CHCHD4: variants seen among roughly 807,000 people sequenced by gnomAD.
CHCHD4 encodes the protein coiled-coil-helix-coiled-coil-helix domain containing 4.
CHCHD4 carries 7 observed loss-of-function variants against 12.4 expected under a neutral mutation model. That is an observed-to-expected ratio of 0.57 (90% CI 0.32 to 1.06). The LOEUF (loss-of-function observed/expected upper bound fraction) is 1.06, where lower values mean the gene tolerates loss of function less well. Among genes scored for constraint, CHCHD4 ranks in the 50% least tolerant of loss-of-function variants. The pLI is 0.04. For missense variants in CHCHD4, 143 were observed against 175.1 expected (o/e 0.82, Z 1.03); for synonymous variants, 56 against 58.0 (o/e 0.97, Z 0.16).
chr3:14,113,472 GACCCATTT>G (rs1275198333), intron 2 of CHCHD4, among the ~76,000 whole-genome samples: 10 of 152,270 alleles, frequency 6.6e-5, no homozygotes, highest in Admixed American at 2.6e-4. Context: ...TAAATACCGG[GACCCATTT>G]AGCCCAAAGA....
intron 1 of CHCHD4, among the ~76,000 whole-genome samples, chr3:14,122,727 G>A (rs905196578): frequency 6.6e-5 from 10 of 152,324 alleles, no homozygotes; most frequent in African/African-American, 2.4e-4. Context: ...AGCTTAGTGC[G>A]AGAAGACAGG....
intron 1 of CHCHD4, 58 bp downstream of exon 1, chr3:14,124,597 C>T (rs941648804): frequency 1.0e-5 from 15 of 1,440,344 alleles, no homozygotes; most frequent in Non-Finnish European, 1.4e-5. Flanking sequence ...GCGCCGGGGC[C>T]CGCGTGTCTC....
intron 2 of CHCHD4, among the ~76,000 whole-genome samples, chr3:14,113,519 G>C (rs916226044): frequency 6.6e-6 from 1 of 152,162 alleles, no homozygotes; most frequent in Non-Finnish European, 1.5e-5. Context: ...GGTTAGTGAG[G>C]AGCTTTTTGA....
At chr3:14,113,293 T>C (rs1694841696) in intron 2 of CHCHD4, 99 bp from the exon 3 acceptor site, 3 of 978,550 alleles carry the variant, frequency 3.1e-6, no homozygotes, top group South Asian at 3.4e-5. Context: ...ACAGGAACTA[T>C]TGTTGCCTAT....
At chr3:14,118,462 G>C (rs928548910) in intron 1 of CHCHD4, among the ~76,000 whole-genome samples, 1 of 152,222 alleles carries the variant, frequency 6.6e-6, no homozygotes, top group African/African-American at 2.4e-5. Flanking sequence ...AACAAAAACC[G>C]AGCGACATCT....
At chr3:14,118,591 CG>C (rs1694900240) in intron 1 of CHCHD4, among the ~76,000 whole-genome samples, 1 of 152,226 alleles carries the variant, frequency 6.6e-6, no homozygotes, top group African/African-American at 2.4e-5. Context: ...CCTCAGCACA[CG>C]GGGCCAGGAC....
chr3:14,118,585 A>G lies in CHCHD4; in HGVS notation c.23-2061T>C, dbSNP rs530331597. On this transcript the variant is annotated intron_variant, in intron 1 of 2. Transcript: ENST00000396914. ...AACAGAGTAACAACAAAAAACCCTC[A>G]GCACACGGGGCCAGGACCCCCAACC... is the stretch of plus-strand genomic sequence containing the variant. 1.2e-4 allele frequency among the ~76,000 whole-genome samples: 18 copies of G among 152,338 alleles called. No individual in the cohort carries two copies. In the South Asian group the frequency reaches 3.7e-3, roughly 32 times the overall value.
chr3:14,114,915 C>T (rs184677104), intron 2 of CHCHD4, among the ~76,000 whole-genome samples: 50 of 152,310 alleles, frequency 3.3e-4, no homozygotes, highest in African/African-American at 1.1e-3. Flanking sequence ...GTCTCCGCCC[C>T]CGCCCAGGCC....
chr3:14,118,285 T>G (rs1694896973), intron 1 of CHCHD4, among the ~76,000 whole-genome samples: 1 of 152,248 alleles, frequency 6.6e-6, no homozygotes, highest in Non-Finnish European at 1.5e-5. Context: ...TGCAGAAACG[T>G]GGCCCTGTGA....
At chr3:14,124,025 G>A (rs1443020530) in intron 1 of CHCHD4, among the ~76,000 whole-genome samples, 2 of 152,232 alleles carry the variant, frequency 1.3e-5, no homozygotes, top group Admixed American at 6.5e-5. Flanking sequence ...CTGGCTGAGT[G>A]GCTTTAGCCA....
chr3:14,120,804 A>G (rs952931381), intron 1 of CHCHD4, among the ~76,000 whole-genome samples: 3 of 152,196 alleles, frequency 2.0e-5, no homozygotes, highest in Non-Finnish European at 4.4e-5. Flanking sequence ...AAGTGTAAGA[A>G]TTAAAGAGGA....
At chr3:14,118,527 C>T (rs1239751734) in intron 1 of CHCHD4, among the ~76,000 whole-genome samples, 1 of 152,208 alleles carries the variant, frequency 6.6e-6, no homozygotes, top group East Asian at 1.9e-4. Context: ...TGCCTTACGC[C>T]ATGCCCACAC....
At chr3:14,123,447 T>C (rs1337833589) in intron 1 of CHCHD4, among the ~76,000 whole-genome samples, 1 of 152,080 alleles carries the variant, frequency 6.6e-6, no homozygotes, top group South Asian at 2.1e-4. Context: ...GTGAGTCTTA[T>C]GGCTTTACGA....
At chr3:14,117,830 G>T (rs1694891937) in intron 1 of CHCHD4, among the ~76,000 whole-genome samples, 1 of 152,188 alleles carries the variant, frequency 6.6e-6, no homozygotes, top group Non-Finnish European at 1.5e-5. Context: ...AGGATGCTCT[G>T]AAGTCTACAC....
Position 14,124,858 on chromosome 3 carries a change from T to C in CHCHD4, c.-182A>G, listed in dbSNP as rs1574934495. The stretch of plus-strand genomic sequence containing the variant: ...CCTCGCAACCGCGGCCAGGCCAACC[T>C]CAGCCGGAAACTACATTTCCCAGCA... On this transcript the variant is annotated 5_prime_UTR_variant, in exon 1 of 3. Transcript: ENST00000396914. 3 of 698,294 alleles carry C rather than the reference T, an allele frequency of 4.3e-6. No homozygotes were observed. The highest frequency in any genetic ancestry group is 7.1e-6 in the Non-Finnish European group (3 of 419,940). The allele number at this position is 698,294 out of a possible 1,614,324, so 43.3% of individuals were successfully genotyped here.
At position 14,123,017 on chromosome 3, in the gene CHCHD4, A is replaced by G. The variant is rs188386351; in HGVS notation, c.22+1638T>C. Among the ~76,000 whole-genome samples the G allele has an allele frequency of 8.5e-3, 1,180 of 139,184 alleles. 11 individuals are homozygous for G. Among genetic ancestry groups the G allele is most frequent in the South Asian group, 0.021 (85 of 3,976 alleles). The allele number at this position is 139,184 out of a possible 152,430, so 91.3% of individuals were successfully genotyped here. ...TTTGGGATCATTTTTTAAAAATCCT[A>G]TGGGAAGCATAAAGGATCAGTGGGG... is the stretch of plus-strand genomic sequence containing the variant. On this transcript the variant is annotated intron_variant, in intron 1 of 2. Coordinates refer to ENST00000396914, the MANE Select transcript of CHCHD4 (RefSeq NM_001098502.2).
intron 1 of CHCHD4, among the ~76,000 whole-genome samples, chr3:14,121,471 A>G (rs1259461795): frequency 3.3e-5 from 5 of 152,156 alleles, no homozygotes; most frequent in Non-Finnish European, 7.4e-5. Flanking sequence ...GAGGATCTTT[A>G]TACACCAGAA....
At chr3:14,115,680 T>C (rs936937954) in intron 2 of CHCHD4, among the ~76,000 whole-genome samples, 1 of 152,210 alleles carries the variant, frequency 6.6e-6, no homozygotes, top group African/African-American at 2.4e-5. Context: ...CAGGAGCCCA[T>C]ATTCTCGAGG....
Position 14,116,520 on chromosome 3 carries a change from C to T in CHCHD4, c.27G>A (p.Lys9=), listed in dbSNP as rs1694878299. Residue 9 remains lysine (K), a synonymous_variant, in exon 2 of 3, where the codon AAG becomes AAA. Coordinates refer to ENST00000396914, the MANE Select transcript of CHCHD4 (RefSeq NM_001098502.2). ...CTTTGGTTACAAATATGATTCGATC[C>T]TTCCCTAGTGTTTGGAGAACAGAGG... MSYCRQEG[K]DRIIFVTKED... 6.2e-7 allele frequency: 1 copy of T among 1,606,150 alleles called. No homozygotes were observed. Among genetic ancestry groups the T allele is most frequent in the South Asian group, 1.1e-5 (1 of 90,930 alleles).
Sources: allele counts gnomAD v4.1 joint callset (sites outside exome capture counted in the v4.1 genomes callset), GRCh38; gene constraint gnomAD v4.1.1; transcripts MANE v1.5; gene names NCBI Gene and HGNC (gene_info 2026-07-23, HGNC 2026-07-21).